The following KCNQ1 variants were observed in gnomAD, a reference collection of about 807,000 sequenced individuals.
KCNQ1 encodes the protein potassium voltage-gated channel subfamily Q member 1.
KCNQ1 carries 49 observed loss-of-function variants against 72.4 expected under a neutral mutation model. That is an observed-to-expected ratio of 0.68 (90% CI 0.54 to 0.86). The LOEUF (loss-of-function observed/expected upper bound fraction) is 0.86, where lower values mean the gene tolerates loss of function less well. Ranked by LOEUF, KCNQ1 falls within the 40% of genes least tolerant of loss-of-function variation. The pLI, the probability that KCNQ1 is intolerant of heterozygous loss-of-function variation, is 0.00. For missense variants in KCNQ1, 790 were observed against 945.1 expected (o/e 0.84, Z 2.15); for synonymous variants, 450 against 412.6 (o/e 1.09, Z -1.10).
At chr11:2,648,371 T>C in intron 10 of KCNQ1, 1 of 398,640 alleles carries the variant, frequency 2.5e-6, no homozygotes, top group East Asian at 3.6e-5. Context: ...AGGTTATTTG[T>C]TTAAAAACTT....
chr11:2,456,765 C>CAAAAAAAAAAA (rs61437708), intron 1 of KCNQ1, among the ~76,000 whole-genome samples: 23 of 31,936 alleles, frequency 7.2e-4, no homozygotes, highest in African/African-American at 2.3e-3. Flanking sequence ...ACTAAAAATC[C>CAAAAAAAAAAA]AAAAAAAAAA....
chr11:2,570,634 G>T lies in KCNQ1; in HGVS notation c.484G>T (p.Val162Leu). ...ATGTLFWMEI[V>L]LVVFFGTEYV... Reference sequence around the variant, plus strand: ...TCCCACTCTGTCCCTGCAGGAGATCGTGCTGGTGGTGTTCTTCGGGACGGA... The same window carrying T: ...TCCCACTCTGTCCCTGCAGGAGATCTTGCTGGTGGTGTTCTTCGGGACGGA... Residue 162 changes from valine to leucine, a missense_variant, in exon 3 of 16, where the codon GTG becomes TTG. Transcript: ENST00000155840. 1 of 1,612,588 alleles carries T rather than the reference G, an allele frequency of 6.2e-7. No individual in the cohort carries two copies. Among genetic ancestry groups the T allele is most frequent in the Non-Finnish European group, 8.5e-7 (1 of 1,179,978 alleles).
In KCNQ1 at chr11:2,663,634, A is replaced by C; in HGVS notation, c.1514+1553A>C. 1 of 398,674 alleles carries C rather than the reference A, an allele frequency of 2.5e-6. No individual in the cohort carries two copies. Among genetic ancestry groups the C allele is most frequent in the Non-Finnish European group, 4.4e-6 (1 of 226,102 alleles). 24.7% of individuals were successfully genotyped at this position (398,674 alleles called of 1,614,324 possible). The stretch of plus-strand genomic sequence containing the variant: ...TCACGGACCAGCATCCAGACATGCA[A>C]AAAGTCCTACTGGGAGGAGAGGGCC... On this transcript the variant is annotated intron_variant, in intron 11 of 15. Coordinates refer to ENST00000155840, the MANE Select transcript of KCNQ1 (RefSeq NM_000218.3). This position sits in a 1 kb window ranked among gnomAD's most constrained non-coding sequence, Gnocchi z 5.2.
chr11:2,837,177 G>A (rs577329024), intron 15 of KCNQ1, among the ~76,000 whole-genome samples: 37 of 152,262 alleles, frequency 2.4e-4, no homozygotes, highest in African/African-American at 5.8e-4. Context: ...AGAGGACACC[G>A]TCTTGAGCCA....
At chr11:2,814,335 G>A (rs1847568701) in intron 15 of KCNQ1, among the ~76,000 whole-genome samples, 1 of 151,372 alleles carries the variant, frequency 6.6e-6, no homozygotes, top group African/African-American at 2.4e-5. Flanking sequence ...GGGTGTGTGG[G>A]TGGGTGGAGA....
Position 2,471,969 on chromosome 11 carries a change from GGT to G in KCNQ1, c.386+26493_386+26494del, listed in dbSNP as rs536532274. On this transcript the variant is annotated intron_variant, in intron 1 of 15. Transcript: ENST00000155840. The surrounding 1 kb of genome is among the most constrained non-coding windows in gnomAD (Gnocchi z 4.8). ...GTGTAGGTGTGTGTTCATATATATGGGTGTGTGTGCACCTATGTGTATAAGTG... is the reference window on the plus strand; with the variant it reads ...GTGTAGGTGTGTGTTCATATATATGGGTGTGTGCACCTATGTGTATAAGTG... Among the ~76,000 whole-genome samples the G allele has an allele frequency of 1.4e-3, 215 of 149,784 alleles. No individual in the cohort carries two copies. The highest frequency in any genetic ancestry group is 4.1e-3 in the African/African-American group (165 of 40,582).
chr11:2,795,743 T>C (rs531223147), intron 15 of KCNQ1, among the ~76,000 whole-genome samples: 17 of 152,350 alleles, frequency 1.1e-4, no homozygotes, highest in African/African-American at 3.6e-4. Context: ...ACAATATTTT[T>C]CTGCTCCACA....
At chr11:2,791,634 C>T (rs913853583) in intron 15 of KCNQ1, among the ~76,000 whole-genome samples, 2 of 152,072 alleles carry the variant, frequency 1.3e-5, no homozygotes, top group African/African-American at 4.8e-5. Flanking sequence ...AGGCCCAGCA[C>T]GTCCCGGGCC....
intron 10 of KCNQ1, chr11:2,644,942 G>A: frequency 2.5e-6 from 1 of 398,724 alleles, no homozygotes; most frequent in Non-Finnish European, 4.4e-6. Flanking sequence ...TGGCAGCAGT[G>A]GCTGGCCCCG....
At position 2,692,411 on chromosome 11, in the gene KCNQ1, T is replaced by C. The variant is rs1246361783; in HGVS notation, c.1514+30330T>C. ...CCATTCCAATCAATTATCTACTCAG[T>C]GGACAGACATCCTTTCAAAGTTTAG... On this transcript the variant is annotated intron_variant, in intron 11 of 15. Transcript: ENST00000155840. 4.3e-5 allele frequency: 17 copies of C among 398,624 alleles called. No homozygotes were observed. The East Asian group carries it at 6.0e-4, about 14-fold the overall frequency. The allele number at this position is 398,624 out of a possible 1,614,324, so 24.7% of individuals were successfully genotyped here.
At chr11:2,793,493 G>A (rs1847073485) in intron 15 of KCNQ1, among the ~76,000 whole-genome samples, 1 of 136,720 alleles carries the variant, frequency 7.3e-6, no homozygotes, top group Non-Finnish European at 1.7e-5. Flanking sequence ...GCGTGATGGT[G>A]TGTGCCTGTG....
intron 15 of KCNQ1, among the ~76,000 whole-genome samples, chr11:2,814,268 TGGATGGATGGTG>T (rs1371595446): frequency 7.6e-6 from 1 of 131,490 alleles, no homozygotes; most frequent in Non-Finnish European, 1.5e-5. Flanking sequence ...GAATAAAGGA[TGGATGGATGGTG>T]GGATGGATGG....
In KCNQ1 at chr11:2,761,333, C is replaced by A. The variant is rs144925633; in HGVS notation, c.1515-7511C>A. 3.5e-3 allele frequency among the ~76,000 whole-genome samples: 538 copies of A among 152,282 alleles called. 2 individuals carry two copies. Among genetic ancestry groups the A allele is most frequent in the Non-Finnish European group, 5.8e-3 (394 of 68,036 alleles). On this transcript the variant is annotated intron_variant, in intron 11 of 15. Transcript: ENST00000155840. ...TGTGTTCCTCTCGACCTACCCTCAA[C>A]GTCCAGCCGCTTGTGTCTTCTTCTG... is the stretch of plus-strand genomic sequence containing the variant.
Position 2,593,522 on chromosome 11 carries a change from G to T in KCNQ1, c.1393+4668G>T, listed in dbSNP as rs1420362337. On this transcript the variant is annotated intron_variant, in intron 10 of 15. Coordinates refer to ENST00000155840, the MANE Select transcript of KCNQ1 (RefSeq NM_000218.3). The surrounding 1 kb of genome is among the most constrained non-coding windows in gnomAD (Gnocchi z 6.9). The stretch of plus-strand genomic sequence containing the variant: ...CGTCTTCAAAGCTGTGCCTGTGTGT[G>T]TCACCACGTGTTTGCCAGGTGACCT... 2.0e-5 allele frequency among the ~76,000 whole-genome samples: 3 copies of T among 152,214 alleles called. No individual in the cohort carries two copies. The highest frequency in any genetic ancestry group is 6.5e-5 in the Admixed American group (1 of 15,288).
At chr11:2,716,969 T>C (rs1307901075) in intron 11 of KCNQ1, among the ~76,000 whole-genome samples, 1 of 152,188 alleles carries the variant, frequency 6.6e-6, no homozygotes, top group Non-Finnish European at 1.5e-5. Flanking sequence ...ACCTCAGTGG[T>C]GCCTGTGGAG....
rs1299093677 is a variant in KCNQ1 at position 2,544,443 on chromosome 11, A to G, written c.477+16425A>G. The stretch of plus-strand genomic sequence containing the variant: ...ATATGGTTACATACCTAATATGTAT[A>G]TGGTTATATATCTCTTATAAGGGTT... On this transcript the variant is annotated intron_variant, in intron 2 of 15. Transcript: ENST00000155840. This position sits in a 1 kb window ranked among gnomAD's most constrained non-coding sequence, Gnocchi z 4.4. 6.6e-6 allele frequency among the ~76,000 whole-genome samples: 1 copy of G among 151,380 alleles called. No individual in the cohort carries two copies. Among genetic ancestry groups the G allele is most frequent in the Admixed American group, 6.6e-5 (1 of 15,168 alleles).
chr11:2,718,327 A>G (rs1044883083), intron 11 of KCNQ1, among the ~76,000 whole-genome samples: 1 of 152,112 alleles, frequency 6.6e-6, no homozygotes, highest in African/African-American at 2.4e-5. Flanking sequence ...CTAGCCCCAG[A>G]CTGGCTTCCC....
intron 15 of KCNQ1, among the ~76,000 whole-genome samples, chr11:2,792,822 C>G (rs1044832310): frequency 1.3e-5 from 2 of 152,212 alleles, no homozygotes; most frequent in South Asian, 4.1e-4. Flanking sequence ...ATTGTTCTTG[C>G]ACGTTCAGGA....
In KCNQ1 at chr11:2,714,038, C is replaced by T. The variant is rs1476881573; in HGVS notation, c.1514+51957C>T. The stretch of plus-strand genomic sequence containing the variant: ...GGCACCCAGGCCTGCAGCCCTCCCC[C>T]ACACAGGCAGTCTCCACAGAGATAG... On this transcript the variant is annotated intron_variant, in intron 11 of 15. Coordinates refer to ENST00000155840, the MANE Select transcript of KCNQ1 (RefSeq NM_000218.3). 3.3e-5 allele frequency among the ~76,000 whole-genome samples: 5 copies of T among 151,872 alleles called. No homozygotes were observed. The East Asian group carries it at 9.8e-4, about 30-fold the overall frequency.
Sources: gnomAD v4.1 joint callset for allele counts (sites outside exome capture counted in the v4.1 genomes callset) on GRCh38, gnomAD v4.1.1 for gene constraint, Gnocchi (gnomAD v3.1) non-coding constraint, MANE v1.5 for transcripts, NCBI Gene and HGNC (gene_info 2026-07-23, HGNC 2026-07-21) for gene names.